The following YAE1 variants were observed in gnomAD, a reference collection of about 807,000 sequenced individuals.
YAE1 encodes the protein protein YAE1 homolog.
In YAE1, 22 loss-of-function variants were observed where a neutral mutation model predicts 23.0. The observed-to-expected ratio is 0.96, with a 90% CI of 0.68 to 1.37. YAE1 has a LOEUF of 1.37. Among genes scored for constraint, YAE1 ranks in the 40% most tolerant of loss-of-function variants. The pLI, the probability that YAE1 is intolerant of heterozygous loss-of-function variation, is 0.00. For synonymous variants in YAE1, 101 were observed against 97.0 expected (o/e 1.04, Z -0.24); for missense variants, 260 against 262.1 (o/e 0.99, Z 0.06).
At chr7:39,609,879 C>T (rs866573267) in exon 3 of YAE1, 4 of 1,534,214 alleles carry the variant, frequency 2.6e-6, no homozygotes, top group Non-Finnish European at 2.6e-6. Context: ...CAAACCCCAC[C>T]GCGACCCTGC....
chr7:39,597,628 A>T (rs2876859), intron 2 of YAE1, among the ~76,000 whole-genome samples: 21,616 of 152,168 alleles, frequency 0.14, 3,987 homozygotes, highest in African/African-American at 0.43. Flanking sequence ...ACTGTCACCA[A>T]GTCAATGTAA....
At position 39,566,752 on chromosome 7, in the gene YAE1, CGGGATGCGTTA is replaced by C. The variant is rs1790475587; in HGVS notation, c.129+207_129+217del. 6.1e-6 allele frequency: 4 copies of C among 655,066 alleles called. No homozygotes were observed. The Admixed American group carries it at 9.7e-5, about 16-fold the overall frequency. 40.6% of individuals were successfully genotyped at this position (655,066 alleles called of 1,614,324 possible). On this transcript the variant is annotated intron_variant, in intron 1 of 2. Transcript: ENST00000223273. The stretch of plus-strand genomic sequence containing the variant: ...ACAAGACGCATTCTTTGAGCGCCTA[CGGGATGCGTTA>C]GAAACTGAGGACCGACCAAAATTAA...
intron 2 of YAE1, among the ~76,000 whole-genome samples, chr7:39,607,671 T>C (rs985021157): frequency 6.6e-6 from 1 of 152,222 alleles, no homozygotes; most frequent in African/African-American, 2.4e-5. Context: ...TTGTTGTTAC[T>C]GTTTGTTTGT....
chr7:39,591,575 G>C (rs1237528378), intron 2 of YAE1, among the ~76,000 whole-genome samples: 6 of 151,894 alleles, frequency 4.0e-5, no homozygotes, highest in East Asian at 3.9e-4. Context: ...GATTCAGACA[G>C]TTCCCAGATA....
intron 2 of YAE1, among the ~76,000 whole-genome samples, chr7:39,598,976 CT>C (rs1366236339): frequency 1.3e-5 from 2 of 151,830 alleles, no homozygotes; most frequent in Non-Finnish European, 2.9e-5. Context: ...GCCAGGCCAT[CT>C]TAGGTTTAAA....
chr7:39,566,656 A>T (rs1429761326), intron 1 of YAE1, 109 bp downstream of exon 1: 1 of 1,467,840 alleles, frequency 6.8e-7, no homozygotes, highest in African/African-American at 1.4e-5. Flanking sequence ...TGCTCTCTTT[A>T]TCCCTAGGGA....
intron 1 of YAE1, chr7:39,569,732 A>G (rs1023813021): frequency 1.6e-5 from 12 of 737,906 alleles, no homozygotes; most frequent in Non-Finnish European, 2.6e-5. Flanking sequence ...TAGATAGCTG[A>G]AAGAGTGCTG....
chr7:39,594,434 A>T (rs1257207308), intron 2 of YAE1, among the ~76,000 whole-genome samples: 1 of 152,032 alleles, frequency 6.6e-6, no homozygotes, highest in Non-Finnish European at 1.5e-5. Context: ...GGAAAAACTC[A>T]CCCAATGCCT....
At chr7:39,571,108 C>G (rs889347835) in intron 2 of YAE1, 1 of 153,588 alleles carries the variant, frequency 6.5e-6, no homozygotes, top group African/African-American at 2.4e-5. Context: ...AGCCAGGAGC[C>G]TAGCAGCCTT....
chr7:39,587,838 G>C (rs969685903), intron 2 of YAE1, among the ~76,000 whole-genome samples: 2 of 152,006 alleles, frequency 1.3e-5, no homozygotes, highest in Non-Finnish European at 2.9e-5. Context: ...CAATATATTC[G>C]TTATGAAAAG....
At chr7:39,575,336 ATGT>A (rs572565095), downstream of YAE1, among the ~76,000 whole-genome samples, 470 of 152,274 alleles carry the variant, frequency 3.1e-3, 5 homozygotes, top group African/African-American at 0.011. Flanking sequence ...GCCACCAAAA[ATGT>A]TGTGATATGT....
intron 2 of YAE1, among the ~76,000 whole-genome samples, chr7:39,608,865 C>A (rs377753449): frequency 2.6e-5 from 4 of 152,124 alleles, no homozygotes; most frequent in African/African-American, 9.7e-5. Flanking sequence ...GGGCTTCTAA[C>A]TGAAGAAGTT....
chr7:39,584,978 T>G (rs919107204), intron 2 of YAE1, among the ~76,000 whole-genome samples: 5 of 152,186 alleles, frequency 3.3e-5, no homozygotes, highest in Non-Finnish European at 7.4e-5. Context: ...GTGCCTCAGT[T>G]CCTTGCATGT....
At chr7:39,597,465 C>T (rs1347078543) in intron 2 of YAE1, among the ~76,000 whole-genome samples, 1 of 152,172 alleles carries the variant, frequency 6.6e-6, no homozygotes, top group Non-Finnish European at 1.5e-5. Context: ...GTTTAACTTA[C>T]TATGAGGTTA....
intron 2 of YAE1, among the ~76,000 whole-genome samples, 194 bp from the exon 3 acceptor site, chr7:39,572,083 A>G (rs558350167): frequency 4.6e-5 from 7 of 152,198 alleles, no homozygotes; most frequent in African/African-American, 1.7e-4. Context: ...AGTTGTATTC[A>G]TCTTCAACAG....
intron 2 of YAE1, among the ~76,000 whole-genome samples, chr7:39,593,633 G>A (rs1790936213): frequency 6.6e-6 from 1 of 151,944 alleles, no homozygotes; most frequent in Non-Finnish European, 1.5e-5. Context: ...CTAATTTTTT[G>A]TATCTAAAGA....
chr7:39,579,207 T>C (rs942409663), intron 2 of YAE1, among the ~76,000 whole-genome samples: 1 of 152,184 alleles, frequency 6.6e-6, no homozygotes, highest in African/African-American at 2.4e-5. Context: ...TTTATGCCCA[T>C]CTTAGAGATT....
chr7:39,575,561 A>T (rs955906041), downstream of YAE1, among the ~76,000 whole-genome samples: 1 of 111,768 alleles, frequency 8.9e-6, no homozygotes, highest in African/African-American at 4.8e-5. Context: ...AGAGAGAGAG[A>T]GAGAGAGAGA....
chr7:39,590,377 T>C (rs1017093004), intron 2 of YAE1, among the ~76,000 whole-genome samples: 1 of 152,228 alleles, frequency 6.6e-6, no homozygotes, highest in Non-Finnish European at 1.5e-5. Flanking sequence ...GGGTTTTATA[T>C]GGACTATGTT....
Sources: gnomAD v4.1 joint callset for allele counts (sites outside exome capture counted in the v4.1 genomes callset) on GRCh38, gnomAD v4.1.1 for gene constraint, MANE v1.5 for transcripts, NCBI Gene and HGNC (gene_info 2026-07-23, HGNC 2026-07-21) for gene names.